NDRG4: variants seen among roughly 807,000 people sequenced by gnomAD.
NDRG4 encodes NDRG family member 4, also known as protein NDRG4.
Under a neutral mutation model 55.8 loss-of-function variants are expected in NDRG4, and 38 were observed. The ratio of observed to expected loss-of-function variants is 0.68; its 90% CI spans 0.53 to 0.89. NDRG4 has a LOEUF of 0.89. Ranked by LOEUF, NDRG4 falls within the 40% of genes least tolerant of loss-of-function variation. NDRG4 has a pLI of 0.00. For synonymous variants in NDRG4, 190 were observed against 182.7 expected (o/e 1.04, Z -0.32); for missense variants, 455 against 468.6 (o/e 0.97, Z 0.27).
intron 1 of NDRG4, chr16:58,502,046 G>A (rs1248038564): frequency 2.2e-6 from 1 of 455,776 alleles, no homozygotes; most frequent in Non-Finnish European, 4.4e-6. Context: ...CCCTCGGGTG[G>A]AACCTGATCT....
chr16:58,506,133 C>CGTGAGTGTGTGT, intron 5 of NDRG4: 1 of 539,520 alleles, frequency 1.9e-6, no homozygotes, highest in Non-Finnish European at 3.3e-6. Flanking sequence ...GTTGAAAGAG[C>CGTGAGTGTGTGT]GTGTGTGTGT....
Position 58,507,559 on chromosome 16 carries a change from C to T in NDRG4, c.621-249C>T. 3 of 543,582 alleles carry T rather than the reference C, an allele frequency of 5.5e-6. No homozygotes were observed. In the South Asian group the frequency reaches 8.5e-5, roughly 15 times the overall value. 33.7% of individuals were successfully genotyped at this position (543,582 alleles called of 1,614,324 possible). A position where few individuals can be genotyped will look rare whatever the true frequency, so the allele number is the denominator to read the frequency against. ...ATCCCATATGGTCCAGGAGACAGGC[C>T]AGTAGCAGAAACTCCCACAGCACAG... On this transcript the variant is annotated intron_variant, in intron 8 of 14. Transcript: ENST00000570248.
intron 1 of NDRG4, among the ~76,000 whole-genome samples, chr16:58,466,891 C>G (rs930396495): frequency 6.6e-6 from 1 of 152,180 alleles, no homozygotes; most frequent in East Asian, 1.9e-4. Context: ...TGGTTGGGAC[C>G]TAGACCCTGG....
chr16:58,487,946 T>TA (rs1321305446), intron 2 of NDRG4: 30 of 947,700 alleles, frequency 3.2e-5, no homozygotes, highest in Non-Finnish European at 4.3e-5. Flanking sequence ...CGACCCTCCC[T>TA]AGGGCCAGCC....
upstream of NDRG4, among the ~76,000 whole-genome samples, chr16:58,496,643 G>A (rs1394281873): frequency 6.6e-6 from 1 of 152,088 alleles, no homozygotes; most frequent in Non-Finnish European, 1.5e-5. Context: ...TCCAGCCCAA[G>A]TCACTCCATT....
intron 1 of NDRG4, among the ~76,000 whole-genome samples, chr16:58,468,310 G>A (rs2032108753): frequency 6.6e-6 from 1 of 152,226 alleles, no homozygotes; most frequent in Admixed American, 6.5e-5. Flanking sequence ...GAAGGCGGGG[G>A]TTTTGGAATC....
upstream of NDRG4, among the ~76,000 whole-genome samples, chr16:58,497,777 A>G (rs1006058786): frequency 3.3e-5 from 5 of 152,120 alleles, no homozygotes; most frequent in Non-Finnish European, 7.4e-5. Flanking sequence ...CAACCACCAG[A>G]AAAAGGGCCA....
chr16:58,509,765 G>C (rs1313190242), intron 13 of NDRG4, among the ~76,000 whole-genome samples: 1 of 152,186 alleles, frequency 6.6e-6, no homozygotes, highest in Admixed American at 6.5e-5. Flanking sequence ...CACCTGAGAA[G>C]GCCTTTTGAA....
intron 14 of NDRG4, 49 bp from the exon 15 acceptor site, chr16:58,511,373 A>G (rs751223643): frequency 1.3e-6 from 2 of 1,538,832 alleles, no homozygotes; most frequent in African/African-American, 1.4e-5. Flanking sequence ...CACCAGAGGC[A>G]CCTGGCCCTG....
chr16:58,510,945 C>T, intron 14 of NDRG4: 1 of 570,404 alleles, frequency 1.8e-6, no homozygotes. Context: ...AACAGACCCT[C>T]CTTAGAGGTA....
chr16:58,473,009 C>A (rs1407534909), intron 1 of NDRG4, among the ~76,000 whole-genome samples: 2 of 152,150 alleles, frequency 1.3e-5, no homozygotes, highest in South Asian at 4.1e-4. Context: ...TGTCCTCATT[C>A]ACTCCCTAGA....
chr16:58,480,427 C>G (rs1447723584), intron 1 of NDRG4, among the ~76,000 whole-genome samples: 1 of 152,214 alleles, frequency 6.6e-6, no homozygotes, highest in Non-Finnish European at 1.5e-5. Flanking sequence ...GGCCCTGCCC[C>G]CTCCAAGTTT....
chr16:58,486,825 C>T (rs923718232), intron 1 of NDRG4, among the ~76,000 whole-genome samples: 10 of 152,164 alleles, frequency 6.6e-5, no homozygotes, highest in Non-Finnish European at 1.5e-4. Flanking sequence ...GGCCCGGGCC[C>T]ACCCTCTGGC....
At chr16:58,508,520 C>A (rs2038348288) in intron 10 of NDRG4, among the ~76,000 whole-genome samples, 1 of 152,184 alleles carries the variant, frequency 6.6e-6, no homozygotes, top group African/African-American at 2.4e-5. Flanking sequence ...GTGCCCAGAG[C>A]AGCCCCGTGC....
chr16:58,501,865 A>G (rs1224159730), intron 1 of NDRG4: 2 of 415,250 alleles, frequency 4.8e-6, no homozygotes, highest in South Asian at 1.6e-5. Flanking sequence ...GCGGACCCGC[A>G]CGCTGCGGGT....
At chr16:58,498,697 G>C (rs1401556099), upstream of NDRG4, among the ~76,000 whole-genome samples, 1 of 152,118 alleles carries the variant, frequency 6.6e-6, no homozygotes, top group African/African-American at 2.4e-5. Flanking sequence ...GCTATCTCAG[G>C]CTCTGTGCCC....
chr16:58,497,478 C>T (rs748073587), upstream of NDRG4, among the ~76,000 whole-genome samples: 2 of 152,164 alleles, frequency 1.3e-5, no homozygotes, highest in Non-Finnish European at 2.9e-5. Context: ...TAGTAGCTGC[C>T]GCTGCTTACT....
chr16:58,506,490 GGGGTGGGGTGGGTATACCTA>G lies in NDRG4; in HGVS notation c.459+28_460-38del. 6 of 1,608,006 alleles carry G rather than the reference GGGGTGGGGTGGGTATACCTA, an allele frequency of 3.7e-6. No homozygotes were observed. Among genetic ancestry groups the G allele is most frequent in the Non-Finnish European group, 5.1e-6 (6 of 1,178,114 alleles). ...GCCACCAAGGTGTGTGTGGTGACCG[GGGGTGGGGTGGGTATACCTA>G]GGGTGGGGTGAGGGGCGGCACTCAC... On this transcript the variant is annotated intron_variant, in intron 6 of 14. Coordinates refer to ENST00000570248, the MANE Select transcript of NDRG4 (RefSeq NM_001242835.2).
chr16:58,494,994 G>C (rs753793899), exon 3 of NDRG4: 4 of 1,613,492 alleles, frequency 2.5e-6, no homozygotes, highest in Non-Finnish European at 3.4e-6. Context: ...CTTGGCTGCA[G>C]ACACAGACTG....
Sources: gnomAD v4.1 joint callset for allele counts (sites outside exome capture counted in the v4.1 genomes callset) on GRCh38, gnomAD v4.1.1 for gene constraint, MANE v1.5 for transcripts, NCBI Gene and HGNC (gene_info 2026-07-23, HGNC 2026-07-21) for gene names.